Variants in EYS observed in about 807,000 individuals in gnomAD.
The protein encoded by EYS is protein eyes shut homolog.
EYS carries 250 observed loss-of-function variants against 282.1 expected under a neutral mutation model. That is an observed-to-expected ratio of 0.89 (90% CI 0.80 to 0.98). EYS has a LOEUF of 0.98. EYS is among the 50% of genes least tolerant of loss of function. The probability of loss-of-function intolerance (pLI) is 0.00; values close to 1 mark genes in which losing one functional copy is unlikely to be tolerated. For synonymous variants in EYS, 1,355 were observed against 1,282.9 expected, an observed-to-expected ratio of 1.06 and a Z score of -1.20; for missense variants, 4,016 against 3,709.0, an observed-to-expected ratio of 1.08 and a Z score of -2.15.
chr6:65,008,305 G>C lies in EYS; in HGVS notation c.2138-10602C>G, dbSNP rs1046062462. On this transcript the variant is annotated intron_variant, in intron 13 of 42. Transcript: ENST00000503581. Reference sequence around the variant, plus strand: ...CTATTGAAGGCCAACTAATCTTAAAGGATAAATTTATCACTCAATCAGCTG... The same window carrying C: ...CTATTGAAGGCCAACTAATCTTAAACGATAAATTTATCACTCAATCAGCTG... 2.0e-5 allele frequency among the ~76,000 whole-genome samples: 3 copies of C among 151,986 alleles called. No individual in the cohort carries two copies. In the South Asian group the frequency reaches 6.2e-4, roughly 31 times the overall value.
intron 33 of EYS, among the ~76,000 whole-genome samples, chr6:64,002,937 C>A (rs908880467): frequency 2.6e-5 from 4 of 152,158 alleles, no homozygotes; most frequent in Non-Finnish European, 5.9e-5. Flanking sequence ...GACAAAAATT[C>A]AGCTTTCATT....
chr6:64,917,551 G>A (rs1476835469), intron 15 of EYS, among the ~76,000 whole-genome samples: 2 of 152,124 alleles, frequency 1.3e-5, no homozygotes, highest in African/African-American at 2.4e-5. Flanking sequence ...CTACTGGGAG[G>A]TGGAGGAGAT....
intron 10 of EYS, among the ~76,000 whole-genome samples, chr6:65,343,209 T>C (rs1460946529): frequency 6.6e-6 from 1 of 151,250 alleles, no homozygotes; most frequent in African/African-American, 2.4e-5. Flanking sequence ...AATAGTGACT[T>C]GTATCAGTTT....
At chr6:64,556,001 G>C (rs1765222260) in intron 26 of EYS, among the ~76,000 whole-genome samples, 1 of 151,940 alleles carries the variant, frequency 6.6e-6, no homozygotes, top group South Asian at 2.1e-4. Flanking sequence ...GTGCTGACAA[G>C]GATGTAGAGA....
At chr6:63,877,999 G>A (rs1773024402) in intron 35 of EYS, among the ~76,000 whole-genome samples, 1 of 152,166 alleles carries the variant, frequency 6.6e-6, no homozygotes, top group Non-Finnish European at 1.5e-5. Flanking sequence ...TCTCCATCCA[G>A]CTTTGTTCTA....
At chr6:63,941,127 A>T (rs1765225773) in intron 35 of EYS, among the ~76,000 whole-genome samples, 1 of 152,146 alleles carries the variant, frequency 6.6e-6, no homozygotes, top group Non-Finnish European at 1.5e-5. Context: ...TATTGTGAAT[A>T]GTGCCGCAAT....
chr6:63,745,903 C>G (rs1769199194), intron 41 of EYS, among the ~76,000 whole-genome samples: 1 of 152,096 alleles, frequency 6.6e-6, no homozygotes, highest in African/African-American at 2.4e-5. Flanking sequence ...AGAAGAAACA[C>G]CACAGAGCAT....
At chr6:64,407,888 C>T (rs1219675996) in intron 28 of EYS, among the ~76,000 whole-genome samples, 1 of 152,006 alleles carries the variant, frequency 6.6e-6, no homozygotes, top group African/African-American at 2.4e-5. Context: ...TCCACAACCA[C>T]GCCCAGCTAA....
At chr6:64,787,108 A>G (rs1774046414) in intron 22 of EYS, among the ~76,000 whole-genome samples, 2 of 152,168 alleles carry the variant, frequency 1.3e-5, no homozygotes, top group Admixed American at 1.3e-4. Context: ...TCACTGATAT[A>G]TCCCAATTCA....
chr6:64,082,525 A>G (rs923427682), intron 31 of EYS, among the ~76,000 whole-genome samples: 38 of 152,174 alleles, frequency 2.5e-4, no homozygotes, highest in Admixed American at 2.5e-3. Flanking sequence ...ATCAAGATAT[A>G]CACTTAAAAT....
At chr6:64,132,855 A>G (rs965155615) in intron 31 of EYS, among the ~76,000 whole-genome samples, 2 of 152,036 alleles carry the variant, frequency 1.3e-5, no homozygotes, top group Non-Finnish European at 2.9e-5. Flanking sequence ...TACAATAGGC[A>G]GAAATAAGTA....
intron 31 of EYS, among the ~76,000 whole-genome samples, chr6:64,200,081 G>T (rs1286008931): frequency 1.3e-5 from 2 of 152,096 alleles, no homozygotes; most frequent in East Asian, 3.9e-4. Context: ...AGTCTGAAAA[G>T]GCTATAAACT....
Position 63,864,179 on chromosome 6 carries a change from C to T in EYS, c.7228+7G>A, listed in dbSNP as rs1200302625. On this transcript the variant is annotated splice_region_variant and intron_variant, in intron 36 of 42. Transcript: ENST00000503581. ...GTGCTCCATGTTTAATAATCAAATG[C>T]TCTTACCATCAGTGCAGAGGGGTCC... 9 of 1,462,642 alleles carry T rather than the reference C, an allele frequency of 6.2e-6. No homozygotes were observed. The highest frequency in any genetic ancestry group is 2.6e-5 in the Admixed American group (1 of 38,228). The allele number at this position is 1,462,642 out of a possible 1,614,324, so 90.6% of individuals were successfully genotyped here.
chr6:64,391,438 C>A (rs1164577385), intron 28 of EYS, among the ~76,000 whole-genome samples: 5 of 152,018 alleles, frequency 3.3e-5, no homozygotes, highest in Non-Finnish European at 7.4e-5. Context: ...CGGCAGAAAC[C>A]CTACAAGCCA....
In EYS at chr6:64,855,709, A is replaced by T. The variant is rs189666592; in HGVS notation, c.2992+30988T>A. On this transcript the variant is annotated intron_variant, in intron 19 of 42. Coordinates refer to ENST00000503581, the MANE Select transcript of EYS (RefSeq NM_001142800.2). ...TGGGTTTTCACAATTGCATGATGTC[A>T]TGTATCCACCATTCTAGTATCATAG... is the stretch of plus-strand genomic sequence containing the variant. 7.4e-4 allele frequency among the ~76,000 whole-genome samples: 112 copies of T among 152,254 alleles called. 3 individuals carry two copies. The South Asian group carries it at 0.013, about 17-fold the overall frequency.
chr6:64,829,054 G>A lies in EYS; in HGVS notation c.2993-6232C>T, dbSNP rs117779300. On this transcript the variant is annotated intron_variant, in intron 19 of 42. Coordinates refer to ENST00000503581, the MANE Select transcript of EYS (RefSeq NM_001142800.2). ...AGCCTAAGAGAAGAATATGCATGGA[G>A]TTATAGGTAGTGGCAAATGACATGG... Among the ~76,000 whole-genome samples the A allele has an allele frequency of 1.1e-3, 163 of 151,100 alleles. 3 individuals are homozygous for A. In the East Asian group the frequency reaches 0.027, roughly 25 times the overall value.
chr6:63,905,329 C>CTTTTTTTTTTT (rs377115720), intron 35 of EYS, among the ~76,000 whole-genome samples: 22 of 118,270 alleles, frequency 1.9e-4, no homozygotes, highest in South Asian at 2.8e-4. Flanking sequence ...CTTTTTTTTT[C>CTTTTTTTTTTT]TTTTTTTTTT....
intron 35 of EYS, among the ~76,000 whole-genome samples, chr6:63,895,872 A>G (rs1773522599): frequency 7.0e-6 from 1 of 143,770 alleles, no homozygotes; most frequent in Non-Finnish European, 1.5e-5. Context: ...ATTTATGTGG[A>G]CAATTCTTAT....
At chr6:64,962,763 C>CA (rs1205059387) in intron 14 of EYS, among the ~76,000 whole-genome samples, 5 of 151,316 alleles carry the variant, frequency 3.3e-5, no homozygotes, top group African/African-American at 1.2e-4. Context: ...CAACAACCCT[C>CA]AAAAAAAGAG....
Sources: allele counts gnomAD v4.1 joint callset (sites outside exome capture counted in the v4.1 genomes callset), GRCh38; gene constraint gnomAD v4.1.1; transcripts MANE v1.5; gene names NCBI Gene and HGNC (gene_info 2026-07-23, HGNC 2026-07-21).